Variants in NAV2 observed in about 807,000 individuals in gnomAD.
NAV2 encodes the protein helicase, APC down-regulated 1.
NAV2 carries 54 observed loss-of-function variants against 223.2 expected under a neutral mutation model. That is an observed-to-expected ratio of 0.24 (90% CI 0.19 to 0.30). NAV2 has a LOEUF of 0.30. Among genes scored for constraint, NAV2 ranks in the 10% least tolerant of loss-of-function variants. NAV2 has a pLI of 1.00. For missense variants in NAV2, 2,806 were observed against 3,147.5 expected, an observed-to-expected ratio of 0.89 and a Z score of 2.60; for synonymous variants, 1,279 against 1,239.3, an observed-to-expected ratio of 1.03 and a Z score of -0.67.
At position 19,536,093 on chromosome 11, in the gene NAV2, G is replaced by A. The variant is rs568008049; in HGVS notation, c.75+185066G>A. ...AAGATTAGAAAGCTACAATTTACTT[G>A]GCAATGTTACGTGCCAAGTCTTATG... On this transcript the variant is annotated intron_variant, in intron 1 of 37. Transcript: ENST00000360655. Among the ~76,000 whole-genome samples the A allele has an allele frequency of 1.1e-4, 16 of 152,278 alleles. 1 individual carries two copies. Among genetic ancestry groups the A allele is most frequent in the Middle Eastern group, 6.8e-3 (2 of 294 alleles).
intron 1 of NAV2, among the ~76,000 whole-genome samples, chr11:19,821,261 CAAAAAAA>C (rs60029840): frequency 1.0e-5 from 1 of 99,592 alleles, no homozygotes; most frequent in Non-Finnish European, 2.0e-5. Context: ...GACTCTGTCT[CAAAAAAA>C]AAAAAAAAAA....
intron 1 of NAV2, among the ~76,000 whole-genome samples, chr11:19,715,805 C>T (rs181978521): frequency 2.0e-5 from 3 of 152,296 alleles, no homozygotes; most frequent in East Asian, 3.9e-4. Context: ...TCACCTCTCT[C>T]GCCCTCAATG....
At chr11:19,688,498 A>C (rs993367875) in intron 1 of NAV2, among the ~76,000 whole-genome samples, 2 of 152,228 alleles carry the variant, frequency 1.3e-5, no homozygotes, top group African/African-American at 2.4e-5. Flanking sequence ...TTTACTTTAC[A>C]TTTTAAGAAA....
intron 1 of NAV2, among the ~76,000 whole-genome samples, chr11:19,395,697 G>A (rs1471296780): frequency 1.3e-5 from 2 of 152,198 alleles, no homozygotes; most frequent in Non-Finnish European, 2.9e-5. Context: ...CAAGCACACT[G>A]ATGGCTCTGG....
At chr11:19,983,828 G>C (rs544234586) in intron 10 of NAV2, among the ~76,000 whole-genome samples, 264 of 152,338 alleles carry the variant, frequency 1.7e-3, no homozygotes, top group African/African-American at 6.0e-3. Flanking sequence ...ATGAATCCAT[G>C]TGACAGTTAA....
At chr11:19,360,433 C>T (rs773505908) in intron 1 of NAV2, among the ~76,000 whole-genome samples, 11 of 152,192 alleles carry the variant, frequency 7.2e-5, no homozygotes, top group Non-Finnish European at 1.6e-4. Context: ...TGGAGTTGTG[C>T]CCAATCTCTC....
At chr11:19,972,339 G>A (rs189872930) in intron 10 of NAV2, among the ~76,000 whole-genome samples, 3 of 152,314 alleles carry the variant, frequency 2.0e-5, no homozygotes, top group East Asian at 3.9e-4. Context: ...GTTGTCAGCT[G>A]TCATGTCTGC....
In NAV2 at chr11:19,831,229, G is replaced by C. The variant is rs1208436600; in HGVS notation, c.268-1255G>C. Among the ~76,000 whole-genome samples, 44 of 100,162 alleles carry C rather than the reference G, an allele frequency of 4.4e-4. 5 individuals carry two copies. Among genetic ancestry groups the C allele is most frequent in the African/African-American group, 9.0e-4 (24 of 26,744 alleles). The allele number at this position is 100,162 out of a possible 152,430, so 65.7% of individuals were successfully genotyped here. A position where few individuals can be genotyped will look rare whatever the true frequency, so the allele number is the denominator to read the frequency against. On this transcript the variant is annotated intron_variant, in intron 1 of 37. Coordinates refer to ENST00000349880, the MANE Select transcript of NAV2 (RefSeq NM_145117.5). ...TCCCATTCCAGGAGTGTTGCGGGGG[G>C]GGGGGGGGCGCGATGGGGAGTGGGG...
intron 1 of NAV2, among the ~76,000 whole-genome samples, chr11:19,585,175 T>C (rs966763904): frequency 1.3e-5 from 2 of 152,232 alleles, no homozygotes; most frequent in Non-Finnish European, 2.9e-5. Flanking sequence ...GTTTAAAGTC[T>C]GTTTTATCAG....
intron 1 of NAV2, among the ~76,000 whole-genome samples, chr11:19,415,604 A>G (rs557959755): frequency 4.6e-5 from 7 of 152,360 alleles, no homozygotes; most frequent in African/African-American, 1.2e-4. Flanking sequence ...TGAGACCAGC[A>G]TCATCCTGAT....
At chr11:19,823,882 G>A (rs778167407) in intron 1 of NAV2, among the ~76,000 whole-genome samples, 6 of 151,970 alleles carry the variant, frequency 3.9e-5, no homozygotes, top group East Asian at 1.9e-4. Context: ...AAACCTGCAC[G>A]TTCTACACAC....
At chr11:19,584,448 C>T (rs1295440568) in intron 1 of NAV2, among the ~76,000 whole-genome samples, 1 of 152,136 alleles carries the variant, frequency 6.6e-6, no homozygotes, top group Non-Finnish European at 1.5e-5. Context: ...TCTTGCTTCT[C>T]TAGTTCTTTT....
intron 35 of NAV2, 69 bp downstream of exon 35, chr11:20,105,796 A>AG: frequency 7.9e-7 from 1 of 1,267,460 alleles, no homozygotes; most frequent in South Asian, 1.3e-5. Flanking sequence ...GGCCCTGGCC[A>AG]GGACAGCACT....
chr11:19,755,832 T>C (rs1396614193), intron 1 of NAV2, among the ~76,000 whole-genome samples: 1 of 152,094 alleles, frequency 6.6e-6, no homozygotes, highest in African/African-American at 2.4e-5. Context: ...AGCCAGCAAA[T>C]ACGATATGGA....
At chr11:19,714,397 T>C (rs1410882634) in intron 1 of NAV2, 1 of 463,228 alleles carries the variant, frequency 2.2e-6, no homozygotes. Context: ...CCCATTGGGT[T>C]CGACGCCCCC....
chr11:19,558,828 C>T (rs2044995738), intron 1 of NAV2, among the ~76,000 whole-genome samples: 1 of 152,148 alleles, frequency 6.6e-6, no homozygotes, highest in Non-Finnish European at 1.5e-5. Context: ...GATTCCCTGT[C>T]TCGGAACACA....
chr11:19,715,927 G>A (rs1467572094), intron 1 of NAV2, among the ~76,000 whole-genome samples: 1 of 152,192 alleles, frequency 6.6e-6, no homozygotes, highest in Non-Finnish European at 1.5e-5. Context: ...CCAGTGCCCA[G>A]GGGTTCTGGG....
At chr11:19,704,106 G>A (rs1373534258) in intron 1 of NAV2, among the ~76,000 whole-genome samples, 3 of 152,062 alleles carry the variant, frequency 2.0e-5, no homozygotes, top group Admixed American at 1.3e-4. Flanking sequence ...AGTACTGGTC[G>A]AAGTTGTCTT....
At chr11:19,694,621 A>G (rs910330002) in intron 1 of NAV2, among the ~76,000 whole-genome samples, 6 of 152,216 alleles carry the variant, frequency 3.9e-5, no homozygotes, top group Non-Finnish European at 7.3e-5. Flanking sequence ...TGAACTGGCC[A>G]TTCTGTAGAA....
Sources: gnomAD v4.1 joint callset for allele counts (sites outside exome capture counted in the v4.1 genomes callset) on GRCh38, gnomAD v4.1.1 for gene constraint, MANE v1.5 for transcripts, NCBI Gene and HGNC (gene_info 2026-07-23, HGNC 2026-07-21) for gene names.